The following SOAT2 variants were observed in gnomAD, a reference collection of about 807,000 sequenced individuals.
SOAT2 encodes ACAT-2.
Under a neutral mutation model 76.0 loss-of-function variants are expected in SOAT2, and 87 were observed. That is an observed-to-expected ratio of 1.14 (90% CI 0.96 to 1.37). The LOEUF is 1.37. SOAT2 is among the 40% of genes most tolerant of loss of function. The pLI is 0.00. For missense variants in SOAT2, 686 were observed against 682.1 expected (o/e 1.01, Z -0.06); for synonymous variants, 285 against 275.4 (o/e 1.03, Z -0.34).
chr12:53,115,964 G>T, intron 6 of SOAT2, 133 bp from the exon 7 acceptor site: 1 of 816,070 alleles, frequency 1.2e-6, no homozygotes, highest in Non-Finnish European at 2.0e-6. Context: ...CCAACAAAAA[G>T]AAAAAGTATG....
rs775745781 is a variant in SOAT2 at position 53,119,118 on chromosome 12, C to T, written c.910-6C>T. 5.6e-6 allele frequency: 9 copies of T among 1,613,988 alleles called. No individual in the cohort carries two copies. The South Asian group carries it at 8.8e-5, about 16-fold the overall frequency. On this transcript the variant is annotated splice_region_variant and splice_polypyrimidine_tract_variant and intron_variant, in intron 9 of 14. Coordinates refer to ENST00000301466, the MANE Select transcript of SOAT2 (RefSeq NM_003578.4). Reference sequence around the variant, plus strand: ...CTCCAGTTATGTGTCCCCATGCCCCCTCCAGGCCCTGGGATGTGTGCTCTA... The same window carrying T: ...CTCCAGTTATGTGTCCCCATGCCCCTTCCAGGCCCTGGGATGTGTGCTCTA...
At position 53,103,490 on chromosome 12, in the gene SOAT2, G is replaced by A. The variant is rs1937870089; in HGVS notation, c.-88G>A. The A allele has an allele frequency of 8.2e-7, 1 of 1,214,670 alleles. No homozygotes were observed. The highest frequency in any genetic ancestry group is 1.2e-6 in the Non-Finnish European group (1 of 855,570). 75.2% of individuals were successfully genotyped at this position (1,214,670 alleles called of 1,614,324 possible). ...TTTGGAGCTGTCACCTGAGCTGAGT[G>A]GGACAAGAGCTCTACAGGGCAGGCC... On this transcript the variant is annotated 5_prime_UTR_variant, in exon 1 of 15. Coordinates refer to ENST00000301466, the MANE Select transcript of SOAT2 (RefSeq NM_003578.4).
chr12:53,107,784 G>A (rs112902682), intron 5 of SOAT2, among the ~76,000 whole-genome samples: 8,365 of 149,270 alleles, frequency 0.056, 557 homozygotes, highest in African/African-American at 0.16. Flanking sequence ...TACTGTGTTC[G>A]GCTCATTTTT....
intron 12 of SOAT2, among the ~76,000 whole-genome samples, chr12:53,121,905 T>C (rs1240128649): frequency 1.4e-5 from 2 of 146,836 alleles, no homozygotes; most frequent in African/African-American, 5.1e-5. Context: ...CCTCCTGGGT[T>C]CAAGCGATTC....
chr12:53,124,315 T>C lies in SOAT2; in HGVS notation c.*192T>C, dbSNP rs1938242030. 1 of 626,130 alleles carries C rather than the reference T, an allele frequency of 1.6e-6. No individual in the cohort carries two copies. Among genetic ancestry groups the C allele is most frequent in the Non-Finnish European group, 2.9e-6 (1 of 350,048 alleles). 38.8% of individuals were successfully genotyped at this position (626,130 alleles called of 1,614,324 possible). A position where few individuals can be genotyped will look rare whatever the true frequency, so the allele number is the denominator to read the frequency against. ...GGGTAACTGATCACAGACCTCAGCA[T>C]GGGGGTGACCAGGGTGACTCTTCAA... On this transcript the variant is annotated 3_prime_UTR_variant, in exon 15 of 15. Transcript: ENST00000301466.
intron 1 of SOAT2, 126 bp downstream of exon 1, chr12:53,103,785 A>G (rs1937879373): frequency 2.4e-6 from 2 of 836,828 alleles, no homozygotes; most frequent in Non-Finnish European, 3.6e-6. Flanking sequence ...AGGCCAAGGA[A>G]GGTAGACCCT....
rs780589601 is a variant in SOAT2 at position 53,123,073 on chromosome 12, C to A, written c.1237-8C>A. The A allele has an allele frequency of 1.2e-6, 2 of 1,609,524 alleles. No individual in the cohort carries two copies. The highest frequency in any genetic ancestry group is 2.2e-5 in the South Asian group (2 of 90,622). On this transcript the variant is annotated splice_region_variant and splice_polypyrimidine_tract_variant and intron_variant, in intron 12 of 14. Transcript: ENST00000301466. ...ACTTACTCTTCACTCCTTTCCTCACCCTGCCAGCTCCTTGGTGCCCGGGCC... is the reference window on the plus strand; with the variant it reads ...ACTTACTCTTCACTCCTTTCCTCACACTGCCAGCTCCTTGGTGCCCGGGCC...
At chr12:53,122,821 A>C (rs1011929409) in intron 12 of SOAT2, among the ~76,000 whole-genome samples, 2 of 151,980 alleles carry the variant, frequency 1.3e-5, no homozygotes, top group Non-Finnish European at 2.9e-5. Flanking sequence ...CATTGTCATC[A>C]TGGCCCGTTC....
intron 5 of SOAT2, among the ~76,000 whole-genome samples, chr12:53,113,415 C>T (rs1430014078): frequency 6.6e-6 from 1 of 152,170 alleles, no homozygotes; most frequent in Non-Finnish European, 1.5e-5. Context: ...GGACAGCCCT[C>T]GGGAGGGTCC....
In SOAT2 at chr12:53,124,143, T is replaced by C. The variant is rs1346863408; in HGVS notation, c.*20T>C. ...ACCTAGAGGTCGGGACAGACGACGC[T>C]ACCTGCCCAGACACCACCAAGTTCT... On this transcript the variant is annotated 3_prime_UTR_variant, in exon 15 of 15. Coordinates refer to ENST00000301466, the MANE Select transcript of SOAT2 (RefSeq NM_003578.4). 1.9e-6 allele frequency: 3 copies of C among 1,613,796 alleles called. No individual in the cohort carries two copies. Among genetic ancestry groups the C allele is most frequent in the Non-Finnish European group, 2.5e-6 (3 of 1,179,812 alleles).
At chr12:53,121,070 CT>C (rs1938182488) in intron 11 of SOAT2, among the ~76,000 whole-genome samples, 187 bp downstream of exon 11, 2 of 152,178 alleles carry the variant, frequency 1.3e-5, no homozygotes, top group Admixed American at 1.3e-4. Context: ...GGGCTAACTG[CT>C]TTTGTGTGCA....
intron 5 of SOAT2, among the ~76,000 whole-genome samples, chr12:53,112,299 C>T (rs187111980): frequency 1.3e-4 from 20 of 152,124 alleles, no homozygotes; most frequent in Non-Finnish European, 2.4e-4. Flanking sequence ...GTAATCCCAG[C>T]ACTTTAGGAG....
intron 5 of SOAT2, among the ~76,000 whole-genome samples, chr12:53,107,208 G>A (rs149486640): frequency 1.3e-4 from 20 of 152,248 alleles, no homozygotes; most frequent in African/African-American, 2.4e-4. Context: ...ATGGGGAGTC[G>A]TAATCTTTCT....
intron 10 of SOAT2, among the ~76,000 whole-genome samples, chr12:53,120,528 A>G (rs1938174665): frequency 6.6e-6 from 1 of 151,108 alleles, no homozygotes; most frequent in East Asian, 2.0e-4. Context: ...AGTTCCAGTT[A>G]CTTGGGAGGC....
At chr12:53,105,015 C>G in intron 2 of SOAT2, 92 bp from the exon 3 acceptor site, 5 of 1,264,896 alleles carry the variant, frequency 4.0e-6, no homozygotes, top group African/African-American at 1.6e-5. Context: ...AAGCACTGTG[C>G]CTGGCATAGA....
Position 53,103,673 on chromosome 12 carries a change from G to T in SOAT2, c.82+14G>T, listed in dbSNP as rs571367684. Reference sequence around the variant, plus strand: ...CCTGTGGAGATGGTGAGCCGCCCTCGGGGGTGCAGAAGGCACAGGCAAGTG... The same window carrying T: ...CCTGTGGAGATGGTGAGCCGCCCTCTGGGGTGCAGAAGGCACAGGCAAGTG... On this transcript the variant is annotated intron_variant, in intron 1 of 14. Transcript: ENST00000301466. The T allele has an allele frequency of 1.3e-6, 2 of 1,516,120 alleles. No individual in the cohort carries two copies. Among genetic ancestry groups the T allele is most frequent in the South Asian group, 1.3e-5 (1 of 79,676 alleles). The allele number at this position is 1,516,120 out of a possible 1,614,324, so 93.9% of individuals were successfully genotyped here.
chr12:53,121,277 C>T (rs373702987), intron 11 of SOAT2, 26 bp from the exon 12 acceptor site: 4 of 1,565,120 alleles, frequency 2.6e-6, no homozygotes, highest in Non-Finnish European at 3.5e-6. Flanking sequence ...ACCTCCTTTC[C>T]CCCACTCTGA....
intron 7 of SOAT2, 55 bp from the exon 8 acceptor site, chr12:53,118,295 C>T: frequency 9.0e-7 from 1 of 1,106,348 alleles, no homozygotes; most frequent in South Asian, 1.3e-5. Context: ...GCAGCCCCCT[C>T]ACCTCTGCCC....
chr12:53,117,432 C>T (rs993925061), intron 7 of SOAT2, among the ~76,000 whole-genome samples: 4 of 151,732 alleles, frequency 2.6e-5, no homozygotes, highest in African/African-American at 7.3e-5. Flanking sequence ...TGTATCTCAG[C>T]GAATAGGAAA....
Sources: allele counts gnomAD v4.1 joint callset (sites outside exome capture counted in the v4.1 genomes callset), GRCh38; gene constraint gnomAD v4.1.1; transcripts MANE v1.5; gene names NCBI Gene and HGNC (gene_info 2026-07-23, HGNC 2026-07-21).